Variants in DOCK3 observed in about 807,000 individuals in gnomAD.
The protein encoded by DOCK3 is dedicator of cytokinesis protein 3.
Under a neutral mutation model 265.6 loss-of-function variants are expected in DOCK3, and 60 were observed. That is an observed-to-expected ratio of 0.23 (90% CI 0.18 to 0.28). The LOEUF is 0.28. Ranked by LOEUF, DOCK3 falls within the 10% of genes least tolerant of loss-of-function variation. The pLI is 1.00. For missense variants in DOCK3, 1,981 were observed against 2,594.3 expected, an observed-to-expected ratio of 0.76 and a Z score of 5.14; for synonymous variants, 881 against 938.0, an observed-to-expected ratio of 0.94 and a Z score of 1.11.
In DOCK3 at chr3:50,930,843, C is replaced by T. The variant is rs78459504; in HGVS notation, c.219-3138C>T. Among the ~76,000 whole-genome samples, 103 of 152,322 alleles carry T rather than the reference C, an allele frequency of 6.8e-4. 1 individual carries two copies. In the East Asian group the frequency reaches 0.017, roughly 25 times the overall value. On this transcript the variant is annotated intron_variant, in intron 4 of 52. Coordinates refer to ENST00000266037, the MANE Select transcript of DOCK3 (RefSeq NM_004947.5). ...CTGTCTGTGGGGTGGGCATGGCGAC[C>T]GTACCTCTGGCTGATCCCCGAAGTG...
chr3:50,755,138 C>T (rs964684617), intron 1 of DOCK3, among the ~76,000 whole-genome samples: 1 of 152,190 alleles, frequency 6.6e-6, no homozygotes, highest in South Asian at 2.1e-4. Flanking sequence ...AATCATCTTA[C>T]TCTGTACTTG....
At chr3:50,689,278 A>G (rs1376765058) in intron 1 of DOCK3, among the ~76,000 whole-genome samples, 1 of 152,248 alleles carries the variant, frequency 6.6e-6, no homozygotes, top group Non-Finnish European at 1.5e-5. Context: ...CACGGTGCTA[A>G]TAAAGACATA....
chr3:50,705,255 C>T (rs2036330110), intron 1 of DOCK3, among the ~76,000 whole-genome samples: 1 of 151,868 alleles, frequency 6.6e-6, no homozygotes, highest in South Asian at 2.1e-4. Flanking sequence ...CTCTGTGTCC[C>T]CACCCAAATC....
chr3:51,252,785 A>G (rs2079325079), intron 22 of DOCK3, among the ~76,000 whole-genome samples: 1 of 152,220 alleles, frequency 6.6e-6, no homozygotes, highest in South Asian at 2.1e-4. Context: ...GGTTTTCCAA[A>G]TATACAATCA....
At chr3:50,764,951 G>A (rs563287793) in intron 1 of DOCK3, among the ~76,000 whole-genome samples, 4 of 151,700 alleles carry the variant, frequency 2.6e-5, no homozygotes, top group South Asian at 4.2e-4. Context: ...TAGTAGTGGT[G>A]GGATTTCAGT....
intron 5 of DOCK3, among the ~76,000 whole-genome samples, chr3:51,001,945 ACT>A (rs1240034354): frequency 6.6e-6 from 1 of 152,018 alleles, no homozygotes; most frequent in Non-Finnish European, 1.5e-5. Flanking sequence ...ACAGGGTCTC[ACT>A]CTGTCACCCA....
chr3:50,846,346 G>A (rs771219880), intron 3 of DOCK3, among the ~76,000 whole-genome samples: 2 of 152,176 alleles, frequency 1.3e-5, no homozygotes, highest in Non-Finnish European at 2.9e-5. Flanking sequence ...CCAGCAAAGG[G>A]GAAAAGGTGT....
chr3:51,276,555 G>A (rs1038260830), intron 25 of DOCK3: 25 of 498,242 alleles, frequency 5.0e-5, no homozygotes, highest in African/African-American at 3.8e-4. Context: ...TGATCAGTTC[G>A]ACAGATAGGA....
chr3:51,240,627 G>A (rs928181127), intron 21 of DOCK3, among the ~76,000 whole-genome samples: 3 of 152,166 alleles, frequency 2.0e-5, no homozygotes, highest in African/African-American at 7.2e-5. Context: ...TGTGTTGGGT[G>A]CATATATACT....
At chr3:50,832,362 G>C (rs1299117831) in intron 2 of DOCK3, among the ~76,000 whole-genome samples, 1 of 152,146 alleles carries the variant, frequency 6.6e-6, no homozygotes, top group Non-Finnish European at 1.5e-5. Flanking sequence ...ATTGACAAAT[G>C]GGATCTAATT....
intron 5 of DOCK3, among the ~76,000 whole-genome samples, chr3:51,001,441 G>T (rs1442336460): frequency 1.3e-5 from 2 of 152,096 alleles, no homozygotes; most frequent in African/African-American, 2.4e-5. Context: ...TTGGGCCTTT[G>T]GAGTTGGACT....
rs2082591754 is a variant in DOCK3 at position 51,090,320 on chromosome 3, A to C, written c.682A>C (p.Thr228Pro). 6.2e-7 allele frequency: 1 copy of C among 1,604,014 alleles called. No individual in the cohort carries two copies. Among genetic ancestry groups the C allele is most frequent in the African/African-American group, 1.3e-5 (1 of 74,704 alleles). The change falls in exon 9 of 53, where the codon ACT (threonine) becomes CCT (proline). Residue 228 changes from threonine to proline, a missense_variant. Thr to Pro is a conservative substitution (Grantham distance 38, BLOSUM62 -1). Transcript: ENST00000266037. ...CAGCCTGAAGAGTTTCACTTACAAT[A>C]CTATTGGGGAAGATACCGATGTCTT... ...FLSLKSFTYN[T>P]IGEDTDVFFS...
At chr3:51,142,920 CT>C (rs1223350256) in intron 9 of DOCK3, among the ~76,000 whole-genome samples, 2 of 151,814 alleles carry the variant, frequency 1.3e-5, no homozygotes, top group Non-Finnish European at 2.9e-5. Context: ...GAGTTTCTCT[CT>C]TGTTGCCCGG....
At chr3:50,685,193 C>A (rs2034697751) in intron 1 of DOCK3, among the ~76,000 whole-genome samples, 1 of 152,146 alleles carries the variant, frequency 6.6e-6, no homozygotes, top group South Asian at 2.1e-4. Flanking sequence ...TACAGATATA[C>A]TATCCTTTAC....
chr3:51,240,689 C>G (rs145046566), intron 21 of DOCK3, among the ~76,000 whole-genome samples: 3 of 152,250 alleles, frequency 2.0e-5, no homozygotes, highest in African/African-American at 7.2e-5. Flanking sequence ...TAATACCCTT[C>G]TTTGTCTTTT....
At chr3:50,857,977 A>G (rs2046693696) in intron 3 of DOCK3, among the ~76,000 whole-genome samples, 1 of 152,222 alleles carries the variant, frequency 6.6e-6, no homozygotes, top group African/African-American at 2.4e-5. Context: ...ACACATGCAC[A>G]CGTATGTTTA....
chr3:51,124,352 A>G (rs2084168385), intron 9 of DOCK3, among the ~76,000 whole-genome samples: 1 of 152,206 alleles, frequency 6.6e-6, no homozygotes, highest in East Asian at 1.9e-4. Flanking sequence ...GGTAGCCACT[A>G]GCCACATGTG....
chr3:50,770,733 A>G (rs550226592), intron 1 of DOCK3, among the ~76,000 whole-genome samples: 1 of 152,274 alleles, frequency 6.6e-6, no homozygotes, highest in East Asian at 1.9e-4. Flanking sequence ...AGAATAGAGA[A>G]CCCAGAAACA....
At chr3:50,985,273 G>A (rs958881801) in intron 5 of DOCK3, among the ~76,000 whole-genome samples, 1 of 152,136 alleles carries the variant, frequency 6.6e-6, no homozygotes, top group Non-Finnish European at 1.5e-5. Flanking sequence ...ACTATTAAAA[G>A]CCTACAGTGA....
Sources: gnomAD v4.1 joint callset for allele counts (sites outside exome capture counted in the v4.1 genomes callset) on GRCh38, gnomAD v4.1.1 for gene constraint, MANE v1.5 for transcripts, NCBI Gene and HGNC (gene_info 2026-07-23, HGNC 2026-07-21) for gene names.